Variants in FMN1 observed in about 807,000 individuals in gnomAD.
FMN1 encodes the protein formin-1.
Under a neutral mutation model 132.4 loss-of-function variants are expected in FMN1, and 110 were observed. The ratio of observed to expected loss-of-function variants is 0.83; its 90% CI spans 0.71 to 0.97. The LOEUF (loss-of-function observed/expected upper bound fraction) is 0.97. Ranked by LOEUF, FMN1 falls within the 50% of genes least tolerant of loss-of-function variation. The pLI, the probability that FMN1 is intolerant of heterozygous loss-of-function variation, is 0.00. For missense variants in FMN1, 1,792 were observed against 1,705.3 expected, an observed-to-expected ratio of 1.05 and a Z score of -0.90; for synonymous variants, 722 against 651.7, an observed-to-expected ratio of 1.11 and a Z score of -1.64.
chr15:33,173,586 G>A (rs965692894), intron 3 of FMN1, among the ~76,000 whole-genome samples: 2 of 152,236 alleles, frequency 1.3e-5, no homozygotes, highest in Admixed American at 6.5e-5. Flanking sequence ...GCTGTGAGGA[G>A]GAGGATAGAG....
At chr15:33,012,606 T>C in intron 6 of FMN1, 1 of 1,088,550 alleles carries the variant, frequency 9.2e-7, no homozygotes, top group African/African-American at 1.5e-5. Context: ...AGACTGTCGT[T>C]CAGAAATACC....
intron 16 of FMN1, among the ~76,000 whole-genome samples, chr15:32,872,297 G>C (rs1445447816): frequency 6.6e-6 from 1 of 152,194 alleles, no homozygotes; most frequent in Non-Finnish European, 1.5e-5. Flanking sequence ...AGAACATATA[G>C]AGCCTATATT....
intron 4 of FMN1, among the ~76,000 whole-genome samples, chr15:33,130,219 C>A (rs1012830275): frequency 6.6e-6 from 1 of 152,156 alleles, no homozygotes; most frequent in Non-Finnish European, 1.5e-5. Flanking sequence ...CATTTTCTTT[C>A]TATTTTCATT....
intron 4 of FMN1, 150 bp from the exon 5 acceptor site, chr15:33,089,124 A>C: frequency 2.9e-6 from 2 of 687,166 alleles, no homozygotes; most frequent in Non-Finnish European, 4.6e-6. Flanking sequence ...CTTTCCTTTA[A>C]AAGTATTTCT....
At chr15:33,126,387 C>CA (rs1346294068) in intron 4 of FMN1, among the ~76,000 whole-genome samples, 1 of 152,090 alleles carries the variant, frequency 6.6e-6, no homozygotes, top group East Asian at 1.9e-4. Context: ...CAGTGTGCAC[C>CA]AAAAGGAGCC....
chr15:33,067,751 A>G (rs746946771), intron 5 of FMN1: 44 of 1,613,814 alleles, frequency 2.7e-5, no homozygotes, highest in Non-Finnish European at 3.6e-5. Flanking sequence ...CACAGATTCT[A>G]ATTTACTCGT....
At chr15:33,127,209 A>T (rs1455396289) in intron 4 of FMN1, among the ~76,000 whole-genome samples, 2 of 152,158 alleles carry the variant, frequency 1.3e-5, no homozygotes, top group Admixed American at 1.3e-4. Context: ...TCAAAAATAT[A>T]ATCTCAAGAA....
chr15:32,823,150 C>CTTTTTTTT (rs1567224634), intron 17 of FMN1, among the ~76,000 whole-genome samples: 1 of 84,128 alleles, frequency 1.2e-5, no homozygotes, highest in African/African-American at 5.0e-5. Context: ...AGAGTTTCTA[C>CTTTTTTTT]TGTTTTTTTT....
chr15:33,120,606 G>A (rs894730162), intron 4 of FMN1, among the ~76,000 whole-genome samples: 9 of 73,442 alleles, frequency 1.2e-4, no homozygotes, highest in African/African-American at 4.4e-4. Flanking sequence ...GTGATACCAA[G>A]ATACTGTTCG....
chr15:33,028,527 A>G (rs1362149057), intron 6 of FMN1, among the ~76,000 whole-genome samples: 2 of 149,848 alleles, frequency 1.3e-5, no homozygotes. Flanking sequence ...AAATAAAAAT[A>G]AAAATAAAAA....
Position 32,964,189 on chromosome 15 carries a change from T to C in FMN1, c.3056A>G (p.Glu1019Gly). The change falls in exon 9 of 21, where the codon GAG becomes GGG. Residue 1019 changes from glutamate to glycine, a missense_variant. By Grantham distance (98) the Glu-to-Gly change is moderately conservative. Around this residue, in one of 3 missense-constraint regions of FMN1, gnomAD observed 1,150 missense variants for 1,043.1 expected, o/e 1.10. Coordinates refer to ENST00000616417, the MANE Select transcript of FMN1 (RefSeq NM_001277313.2). The part of the protein sequence containing the change: ...EPDIRDPSEF[E>G]YLFSKDTTQQ... ...AGTTGTGTCTTTGGAGAATAAATACTCAAATTCACTGGGGTCCCGAATGTC... is the reference window on the plus strand; with the variant it reads ...AGTTGTGTCTTTGGAGAATAAATACCCAAATTCACTGGGGTCCCGAATGTC... 6.2e-7 allele frequency: 1 copy of C among 1,612,864 alleles called. No homozygotes were observed. Among genetic ancestry groups the C allele is most frequent in the Non-Finnish European group, 8.5e-7 (1 of 1,178,996 alleles).
At chr15:33,191,252 T>C (rs1192290738) in intron 2 of FMN1, among the ~76,000 whole-genome samples, 1 of 152,178 alleles carries the variant, frequency 6.6e-6, no homozygotes, top group African/African-American at 2.4e-5. Flanking sequence ...AAAAAAGCGT[T>C]TCATTTGAAA....
intron 6 of FMN1, among the ~76,000 whole-genome samples, chr15:33,039,611 G>A (rs2036337315): frequency 6.6e-6 from 1 of 152,076 alleles, no homozygotes; most frequent in Non-Finnish European, 1.5e-5. Context: ...CCCTACATCT[G>A]CCCCAGGCCA....
At chr15:32,843,658 G>A (rs548386462) in intron 17 of FMN1, among the ~76,000 whole-genome samples, 1 of 152,306 alleles carries the variant, frequency 6.6e-6, no homozygotes, top group East Asian at 1.9e-4. Flanking sequence ...AAGGAAATGG[G>A]ATGGTGCAAT....
At position 33,101,044 on chromosome 15, in the gene FMN1, T is replaced by A. The variant is rs149436153; in HGVS notation, c.1868-12070A>T. Among the ~76,000 whole-genome samples the A allele has an allele frequency of 2.7e-3, 414 of 152,230 alleles. 3 individuals are homozygous for A. Among genetic ancestry groups the A allele is most frequent in the African/African-American group, 8.8e-3 (367 of 41,548 alleles). ...TTATATTTTTCTGTACTTTCTACCG[T>A]TTTTTCAATGGACTTTCTAAATTTC... On this transcript the variant is annotated intron_variant, in intron 4 of 20. Transcript: ENST00000616417.
intron 4 of FMN1, among the ~76,000 whole-genome samples, chr15:33,135,300 T>C (rs1020263531): frequency 2.6e-5 from 4 of 152,198 alleles, no homozygotes; most frequent in African/African-American, 9.7e-5. Flanking sequence ...GTCTTTATCA[T>C]CTCACCCTTT....
intron 6 of FMN1, among the ~76,000 whole-genome samples, chr15:33,048,644 A>AAAAAAAAAAAAAAAAAAAAAAAC: frequency 5.8e-5 from 5 of 86,950 alleles, no homozygotes; most frequent in South Asian, 3.1e-4. Context: ...AAAAAAAAAA[A>AAAAAAAAAAAAAAAAAAAAAAAC]AAAAACCAAC....
At chr15:33,087,423 G>GT (rs1424991655) in intron 5 of FMN1, among the ~76,000 whole-genome samples, 2 of 152,134 alleles carry the variant, frequency 1.3e-5, no homozygotes, top group African/African-American at 4.8e-5. Flanking sequence ...GCTCACGCCT[G>GT]TAAGCCCAGC....
At chr15:32,908,410 G>T in intron 12 of FMN1, 80 bp downstream of exon 12, 1 of 904,564 alleles carries the variant, frequency 1.1e-6, no homozygotes, top group Non-Finnish European at 1.8e-6. Flanking sequence ...TTTAGATTTG[G>T]TTATTCTGAG....
Sources: gnomAD v4.1 joint callset for allele counts (sites outside exome capture counted in the v4.1 genomes callset) on GRCh38, gnomAD v4.1.1 for gene constraint, gnomAD v4.1.1 regional missense constraint, MANE v1.5 for transcripts, NCBI Gene and HGNC (gene_info 2026-07-23, HGNC 2026-07-21) for gene names.